LHFPL3: variants seen among roughly 807,000 people sequenced by gnomAD.
The protein encoded by LHFPL3 is LHFPL tetraspan subfamily member 3.
A neutral mutation model predicts 19.3 loss-of-function variants in LHFPL3; 5 were observed. That is an observed-to-expected ratio of 0.26 (90% confidence interval 0.14 to 0.54). The LOEUF is 0.54. LHFPL3 is among the 20% of genes least tolerant of loss of function. LHFPL3 has a pLI of 0.94. For synonymous variants in LHFPL3, 133 were observed against 126.2 expected, an observed-to-expected ratio of 1.05 and a Z score of -0.36; for missense variants, 249 against 307.4, an observed-to-expected ratio of 0.81 and a Z score of 1.42.
intron 1 of LHFPL3, among the ~76,000 whole-genome samples, chr7:104,391,424 C>T (rs1252564925): frequency 6.6e-6 from 1 of 152,118 alleles, no homozygotes; most frequent in Non-Finnish European, 1.5e-5. Flanking sequence ...TTTCCCAGCA[C>T]CATTTATTAA....
intron 2 of LHFPL3, among the ~76,000 whole-genome samples, chr7:104,752,436 A>G (rs1428304990): frequency 1.1e-4 from 16 of 145,678 alleles, no homozygotes; most frequent in African/African-American, 3.3e-4. Context: ...CAATCATTCC[A>G]TACTGTAAGT....
rs541327415 is a variant in LHFPL3, at chr7:104,597,456, T to C, written c.446-139219T>C. ...TTAAAGCTAGTTTGCAGGCTGCTGATAATGCAGTCATACCAGAAGGAATTA... is the reference window on the plus strand; with the variant it reads ...TTAAAGCTAGTTTGCAGGCTGCTGACAATGCAGTCATACCAGAAGGAATTA... On this transcript the variant is annotated intron_variant, in intron 1 of 2. Coordinates refer to ENST00000424859, the MANE Select transcript of LHFPL3 (RefSeq NM_199000.3). Among the ~76,000 whole-genome samples, 8 of 152,380 alleles carry C rather than the reference T, an allele frequency of 5.3e-5. 1 individual carries two copies. In the South Asian group the frequency reaches 1.7e-3, roughly 32 times the overall value.
intron 1 of LHFPL3, among the ~76,000 whole-genome samples, chr7:104,703,177 A>G (rs1793132861): frequency 6.6e-6 from 1 of 152,128 alleles, no homozygotes; most frequent in South Asian, 2.1e-4. Flanking sequence ...ACTTTCATGA[A>G]TTTATTTAGG....
chr7:104,580,356 AAAAGTTT>A (rs1204959890), intron 1 of LHFPL3, among the ~76,000 whole-genome samples: 1 of 152,124 alleles, frequency 6.6e-6, no homozygotes, highest in Non-Finnish European at 1.5e-5. Context: ...CAAATGCAAG[AAAAGTTT>A]AAAGAATTGT....
chr7:104,497,229 G>T (rs748941150), intron 1 of LHFPL3, among the ~76,000 whole-genome samples: 7 of 148,458 alleles, frequency 4.7e-5, no homozygotes, highest in Non-Finnish European at 3.0e-5. Context: ...TCACTTATGT[G>T]TCAGAACAAA....
At chr7:104,482,921 A>G (rs1161787314) in intron 1 of LHFPL3, among the ~76,000 whole-genome samples, 4 of 152,216 alleles carry the variant, frequency 2.6e-5, no homozygotes, top group Non-Finnish European at 4.4e-5. Context: ...TTTTGTTTGT[A>G]GGACAATGTT....
At chr7:104,668,932 C>G (rs1478923766) in intron 1 of LHFPL3, 27 of 1,612,284 alleles carry the variant, frequency 1.7e-5, no homozygotes, top group Non-Finnish European at 2.2e-5. Flanking sequence ...AAAACTAGAA[C>G]GACGGCCTCG....
At chr7:104,788,815 C>A (rs1206077911) in intron 2 of LHFPL3, among the ~76,000 whole-genome samples, 1 of 152,150 alleles carries the variant, frequency 6.6e-6, no homozygotes, top group Non-Finnish European at 1.5e-5. Flanking sequence ...TTTCTTTTCT[C>A]CTTCACTCGT....
intron 1 of LHFPL3, among the ~76,000 whole-genome samples, chr7:104,408,548 A>T (rs955270941): frequency 6.6e-6 from 1 of 152,178 alleles, no homozygotes; most frequent in Non-Finnish European, 1.5e-5. Flanking sequence ...GCTTCATGCA[A>T]ATTGAGCAGA....
chr7:104,425,280 G>T (rs937012740), intron 1 of LHFPL3, among the ~76,000 whole-genome samples: 2 of 152,144 alleles, frequency 1.3e-5, no homozygotes, highest in Non-Finnish European at 2.9e-5. Context: ...AATGACAAAG[G>T]AGGTTTATAT....
intron 2 of LHFPL3, among the ~76,000 whole-genome samples, chr7:104,850,012 G>GT (rs544455402): frequency 3.9e-5 from 6 of 152,326 alleles, no homozygotes; most frequent in South Asian, 2.1e-4. Flanking sequence ...AGTAATTGTG[G>GT]TTTTTTTAGG....
chr7:104,528,716 A>G (rs1270238604), intron 1 of LHFPL3, among the ~76,000 whole-genome samples: 2 of 152,216 alleles, frequency 1.3e-5, no homozygotes, highest in Non-Finnish European at 2.9e-5. Flanking sequence ...TTTCAAGACT[A>G]TGGAAGTCAG....
chr7:104,467,827 C>G (rs1309151253), intron 1 of LHFPL3, among the ~76,000 whole-genome samples: 2 of 152,206 alleles, frequency 1.3e-5, no homozygotes, highest in African/African-American at 2.4e-5. Flanking sequence ...ATTTTCTCCT[C>G]TCCTTCATCC....
chr7:104,577,606 A>G (rs1190677355), intron 1 of LHFPL3, among the ~76,000 whole-genome samples: 1 of 152,186 alleles, frequency 6.6e-6, no homozygotes, highest in Non-Finnish European at 1.5e-5. Context: ...TTCTTATTAA[A>G]GTTATTAAAC....
chr7:104,569,520 T>C (rs1454991471), intron 1 of LHFPL3, among the ~76,000 whole-genome samples: 1 of 152,214 alleles, frequency 6.6e-6, no homozygotes, highest in Non-Finnish European at 1.5e-5. Flanking sequence ...ATTTGAGATT[T>C]ACAATACGAT....
At chr7:104,546,154 T>C (rs1294019861) in intron 1 of LHFPL3, among the ~76,000 whole-genome samples, 1 of 152,222 alleles carries the variant, frequency 6.6e-6, no homozygotes, top group Middle Eastern at 3.2e-3. Flanking sequence ...TTTAACTAAC[T>C]TTCTGACAAG....
At chr7:104,863,461 TG>T (rs1291808261) in intron 2 of LHFPL3, among the ~76,000 whole-genome samples, 1 of 152,258 alleles carries the variant, frequency 6.6e-6, no homozygotes, top group African/African-American at 2.4e-5. Flanking sequence ...ATATAAGTGC[TG>T]TGTTCCAGGG....
intron 1 of LHFPL3, among the ~76,000 whole-genome samples, chr7:104,556,277 C>T (rs1352148347): frequency 6.6e-6 from 1 of 152,244 alleles, no homozygotes; most frequent in Non-Finnish European, 1.5e-5. Flanking sequence ...ACTGCCCTAG[C>T]AGAGGTTCTC....
In LHFPL3 at chr7:104,440,826, T is replaced by TTTA. The variant is rs1792211704; in HGVS notation, c.445+111604_445+111606dup. On this transcript the variant is annotated intron_variant, in intron 1 of 2. Coordinates refer to ENST00000424859, the MANE Select transcript of LHFPL3 (RefSeq NM_199000.3). ...TGACCTAAGTGAGACAAGCGGTTCA[T>TTTA]TTATATTCCTTTTTTCTTTTGGCTT... Among the ~76,000 whole-genome samples the TTTA allele has an allele frequency of 8.5e-5, 13 of 152,316 alleles. No homozygotes were observed. The South Asian group carries it at 2.7e-3, about 32-fold the overall frequency.
Sources: allele counts gnomAD v4.1 joint callset (sites outside exome capture counted in the v4.1 genomes callset), GRCh38; gene constraint gnomAD v4.1.1; transcripts MANE v1.5; gene names NCBI Gene and HGNC (gene_info 2026-07-23, HGNC 2026-07-21).